Variants in FREM1 observed in about 807,000 individuals in gnomAD.
FREM1 encodes FRAS1 related extracellular matrix 1.
In FREM1, 220 loss-of-function variants were observed where a neutral mutation model predicts 210.1. The observed-to-expected ratio is 1.05, with a 90% CI of 0.94 to 1.17. FREM1 has a LOEUF of 1.17. Among genes scored for constraint, FREM1 ranks in the 50% most tolerant of loss-of-function variants. FREM1 has a pLI of 0.00. For missense variants in FREM1, 3,454 were observed against 2,675.5 expected (o/e 1.29, Z -6.42); for synonymous variants, 1,189 against 980.2 (o/e 1.21, Z -3.98).
At chr9:14,859,742 G>A (rs1036325038) in intron 3 of FREM1, among the ~76,000 whole-genome samples, 4 of 152,126 alleles carry the variant, frequency 2.6e-5, no homozygotes, top group East Asian at 3.9e-4. Flanking sequence ...CATCATGCAC[G>A]TGGATATTTA....
chr9:14,860,706 CACACATATATACACATATAT>C (rs1165527224), intron 3 of FREM1, among the ~76,000 whole-genome samples: 6 of 79,494 alleles, frequency 7.5e-5, no homozygotes, highest in Admixed American at 1.4e-4. Flanking sequence ...CACATATATA[CACACATATATACACATATAT>C]ACACATATAT....
intron 26 of FREM1, among the ~76,000 whole-genome samples, chr9:14,770,288 CAG>C (rs1470918045): frequency 6.6e-6 from 1 of 151,888 alleles, no homozygotes. Flanking sequence ...GAATTCATGA[CAG>C]AATAAAAAAT....
Position 14,795,451 on chromosome 9 carries a change from T to C in FREM1, c.3839+2047A>G, listed in dbSNP as rs1157788642. ...ATGAAAAGGGAGAGACTGAAGATAC[T>C]GGAGGAAAAAATAATGGAGCAGTTT... On this transcript the variant is annotated intron_variant, in intron 21 of 36. Transcript: ENST00000380880. Among the ~76,000 whole-genome samples, 4 of 152,234 alleles carry C rather than the reference T, an allele frequency of 2.6e-5. 1 individual carries two copies. In the South Asian group the frequency reaches 6.2e-4, roughly 24 times the overall value.
chr9:14,838,093 T>C lies in FREM1; in HGVS notation c.1881+3354A>G, dbSNP rs190292283. 4.1e-3 allele frequency among the ~76,000 whole-genome samples: 624 copies of C among 152,342 alleles called. 2 individuals carry two copies. Among genetic ancestry groups the C allele is most frequent in the Non-Finnish European group, 7.7e-3 (523 of 68,032 alleles). On this transcript the variant is annotated intron_variant, in intron 10 of 36. Transcript: ENST00000380880. ...TGAAGTTCTAGCCTTTTTTATGTCA[T>C]AGAAAAAGCTTAATCATAATTTAGT...
rs190455153 is a variant in FREM1 at position 14,755,081 on chromosome 9, G to A, written c.5407+1293C>T. Reference sequence around the variant, plus strand: ...CCAGCCACCGGAAGCATGGAAGAGAGGCATGGAATCGATTCAGAAGTAATC... The same window carrying A: ...CCAGCCACCGGAAGCATGGAAGAGAAGCATGGAATCGATTCAGAAGTAATC... On this transcript the variant is annotated intron_variant, in intron 29 of 36. Transcript: ENST00000380880. 1.6e-4 allele frequency among the ~76,000 whole-genome samples: 24 copies of A among 152,294 alleles called. 1 individual carries two copies. Among genetic ancestry groups the A allele is most frequent in the Admixed American group, 1.5e-3 (23 of 15,298 alleles).
chr9:14,850,368 A>G (rs1273957649), intron 6 of FREM1: 2 of 149,092 alleles, frequency 1.3e-5, no homozygotes, highest in Non-Finnish European at 2.9e-5. Context: ...AAAATTAAGG[A>G]TTCCCATAAA....
intron 8 of FREM1, among the ~76,000 whole-genome samples, chr9:14,844,376 C>T (rs1490067421): frequency 6.6e-6 from 1 of 152,146 alleles, no homozygotes; most frequent in African/African-American, 2.4e-5. Context: ...CAGGCACGCA[C>T]CACCATGCCG....
At chr9:14,743,477 A>T (rs1402408586) in intron 35 of FREM1, among the ~76,000 whole-genome samples, 1 of 152,126 alleles carries the variant, frequency 6.6e-6, no homozygotes, top group African/African-American at 2.4e-5. Flanking sequence ...TCTCGTAATA[A>T]AGAACAGTCC....
rs376369063 is a variant in FREM1 at position 14,808,161 on chromosome 9, C to G, written c.2894-27G>C. 8.1e-6 allele frequency: 12 copies of G among 1,476,986 alleles called. No individual in the cohort carries two copies. The African/African-American group carries it at 1.4e-4, about 17-fold the overall frequency. 91.5% of individuals were successfully genotyped at this position (1,476,986 alleles called of 1,614,324 possible). A position where few individuals can be genotyped will look rare whatever the true frequency, so the allele number is the denominator to read the frequency against. On this transcript the variant is annotated intron_variant, in intron 16 of 36. Coordinates refer to ENST00000380880, the MANE Select transcript of FREM1 (RefSeq NM_001379081.2). ...TGGAAGACACAACTATAGCTGAAACCTGCCTTTTAAAAAATATAGAATACC... is the reference window on the plus strand; with the variant it reads ...TGGAAGACACAACTATAGCTGAAACGTGCCTTTTAAAAAATATAGAATACC...
intron 29 of FREM1, among the ~76,000 whole-genome samples, chr9:14,754,491 T>C (rs1437332702): frequency 6.6e-6 from 1 of 152,208 alleles, no homozygotes; most frequent in Admixed American, 6.5e-5. Context: ...ATAGGCTGAA[T>C]GGCGTTTCTA....
In FREM1 at chr9:14,859,489, G is replaced by A; in HGVS notation, c.330-5C>T. The A allele has an allele frequency of 6.2e-7, 1 of 1,607,172 alleles. No individual in the cohort carries two copies. The highest frequency in any genetic ancestry group is 8.5e-7 in the Non-Finnish European group (1 of 1,175,996). ...AAGGTATCTCTTTCAGTAAATCTGTGGAGAACACAGGGCAAAAGCAATATT... is the reference window on the plus strand; with the variant it reads ...AAGGTATCTCTTTCAGTAAATCTGTAGAGAACACAGGGCAAAAGCAATATT... On this transcript the variant is annotated splice_region_variant and splice_polypyrimidine_tract_variant and intron_variant, in intron 3 of 36. Coordinates refer to ENST00000380880, the MANE Select transcript of FREM1 (RefSeq NM_001379081.2).
chr9:14,882,499 C>T (rs1218389078), intron 1 of FREM1, among the ~76,000 whole-genome samples: 6 of 144,074 alleles, frequency 4.2e-5, no homozygotes, highest in African/African-American at 1.5e-4. Flanking sequence ...CTTGTTCTGT[C>T]ACCCAGGCTG....
intron 1 of FREM1, among the ~76,000 whole-genome samples, chr9:14,898,922 T>C (rs1838264581): frequency 2.0e-5 from 3 of 152,200 alleles, no homozygotes; most frequent in African/African-American, 7.2e-5. Context: ...CTCTGAACTT[T>C]CTGCTCAATT....
At chr9:14,856,132 T>G (rs780516375) in intron 5 of FREM1, among the ~76,000 whole-genome samples, 1 of 152,182 alleles carries the variant, frequency 6.6e-6, no homozygotes, top group Non-Finnish European at 1.5e-5. Flanking sequence ...ATGTGCCAGG[T>G]TTTATGTCAA....
chr9:14,829,404 A>G (rs186087432), intron 10 of FREM1, among the ~76,000 whole-genome samples: 4 of 152,260 alleles, frequency 2.6e-5, no homozygotes, highest in Admixed American at 2.6e-4. Flanking sequence ...ACTGTCATCA[A>G]ATAAAGTCTC....
intron 1 of FREM1, among the ~76,000 whole-genome samples, chr9:14,885,055 G>C (rs2132243597): frequency 7.0e-6 from 1 of 143,368 alleles, no homozygotes; most frequent in African/African-American, 2.8e-5. Context: ...CCCCCGAGTG[G>C]CTGGGACTAC....
At chr9:14,749,999 G>C (rs1843072759) in intron 30 of FREM1, 128 bp downstream of exon 30, 2 of 944,854 alleles carry the variant, frequency 2.1e-6, no homozygotes, top group African/African-American at 3.3e-5. Flanking sequence ...CATCACGACT[G>C]AGGGTGCTTT....
intron 1 of FREM1, among the ~76,000 whole-genome samples, chr9:14,890,930 C>T (rs1434504554): frequency 3.3e-5 from 5 of 152,156 alleles, no homozygotes; most frequent in Non-Finnish European, 7.3e-5. Flanking sequence ...TCAGCCAGAG[C>T]GTTGTATCAT....
chr9:14,808,117 T>A lies in FREM1; in HGVS notation c.2911A>T (p.Met971Leu), dbSNP rs1818713941. The A allele has an allele frequency of 6.2e-7, 1 of 1,603,914 alleles. No individual in the cohort carries two copies. Among genetic ancestry groups the A allele is most frequent in the Non-Finnish European group, 8.5e-7 (1 of 1,174,410 alleles). The change falls in exon 17 of 37, where the codon ATG (methionine) becomes TTG (leucine). Residue 971 changes from methionine to leucine, a missense_variant. Met to Leu is a conservative substitution (Grantham distance 15). Transcript: ENST00000380880. ...YKHTGGEIGL[M>L]PCFDTITLVV... Reference sequence around the variant, plus strand: ...AATGTAATGGTGTCAAAACAAGGCATCAGGCCAATCTCGCCACCTGGAAGA... The same window carrying A: ...AATGTAATGGTGTCAAAACAAGGCAACAGGCCAATCTCGCCACCTGGAAGA...
Sources: allele counts gnomAD v4.1 joint callset (sites outside exome capture counted in the v4.1 genomes callset), GRCh38; gene constraint gnomAD v4.1.1; transcripts MANE v1.5; gene names NCBI Gene and HGNC (gene_info 2026-07-23, HGNC 2026-07-21).